KPNA2: variants seen among roughly 807,000 people sequenced by gnomAD.
The protein encoded by KPNA2 is karyopherin subunit alpha 2, also known as importin subunit alpha-1.
Under a neutral mutation model 53.7 loss-of-function variants are expected in KPNA2, and 20 were observed. The ratio of observed to expected loss-of-function variants is 0.37; its 90% CI spans 0.26 to 0.54. The LOEUF is 0.54. Ranked by LOEUF, KPNA2 falls within the 20% of genes least tolerant of loss-of-function variation. The pLI is 0.83. For synonymous variants in KPNA2, 238 were observed against 227.5 expected, an observed-to-expected ratio of 1.05 and a Z score of -0.42; for missense variants, 515 against 640.3, an observed-to-expected ratio of 0.80 and a Z score of 2.11.
At chr17:68,043,040 C>A (rs782138492) in intron 6 of KPNA2, 41 bp downstream of exon 6, 2 of 1,611,768 alleles carry the variant, frequency 1.2e-6, no homozygotes, top group South Asian at 2.2e-5. Context: ...CTTCTTCATT[C>A]TAATTTCCCC....
At chr17:68,041,239 CAGA>C (rs1210093512) in intron 4 of KPNA2, among the ~76,000 whole-genome samples, 1 of 152,124 alleles carries the variant, frequency 6.6e-6, no homozygotes, top group East Asian at 1.9e-4. Flanking sequence ...TGACAGTGTG[CAGA>C]AGAAAAATTT....
chr17:68,044,251 T>C (rs2071301815), intron 8 of KPNA2, 70 bp from the exon 9 acceptor site: 1 of 1,467,028 alleles, frequency 6.8e-7, no homozygotes, highest in East Asian at 2.3e-5. Context: ...ATTGTTTTTG[T>C]GAAAAAGTAC....
chr17:68,038,040 G>A (rs1270351712), intron 3 of KPNA2, among the ~76,000 whole-genome samples: 5 of 151,964 alleles, frequency 3.3e-5, no homozygotes, highest in Admixed American at 6.6e-5. Context: ...GCAGTGGTGC[G>A]ATCTCCGCTC....
chr17:68,042,238 A>G lies in KPNA2; in HGVS notation c.456A>G (p.Ser152=). The G allele has an allele frequency of 6.2e-7, 1 of 1,614,190 alleles. No homozygotes were observed. The highest frequency in any genetic ancestry group is 8.5e-7 in the Non-Finnish European group (1 of 1,180,024). Residue 152 remains serine (S), a synonymous_variant, in exon 5 of 11, where the codon TCA becomes TCG. Transcript: ENST00000330459. ...TCACTAACATTGCTTCTGGGACATC[A>G]GAACAAACCAAGGCTGTGGTAGATG... ...WALTNIASGT[S]EQTKAVVDGG...
Position 68,040,710 on chromosome 17 carries a change from C to A in KPNA2, c.246C>A (p.Val82=). 2 of 1,612,778 alleles carry A rather than the reference C, an allele frequency of 1.2e-6. No homozygotes were observed. The highest frequency in any genetic ancestry group is 2.2e-5 in the South Asian group (2 of 90,998). Residue 82 remains valine (V), a synonymous_variant, in exon 4 of 11, where the codon GTC becomes GTA. Transcript: ENST00000330459. ...TAAATTGGTCTGTTGATGACATTGT[C>A]AAAGGCATAAATAGCAGCAATGTGG... ...GTVNWSVDDI[V]KGINSSNVEN...
chr17:68,037,867 C>T (rs1006563667), intron 3 of KPNA2, among the ~76,000 whole-genome samples: 2 of 151,618 alleles, frequency 1.3e-5, no homozygotes, highest in South Asian at 2.1e-4. Context: ...GCAGCACAAT[C>T]GGCTCACTGC....
Position 68,043,822 on chromosome 17 carries a change from AT to A in KPNA2, c.931-4del, listed in dbSNP as rs144471912. 0.13 allele frequency: 124,993 copies of A among 989,302 alleles called. 915 individuals are homozygous for A. Among genetic ancestry groups the A allele is most frequent in the South Asian group, 0.22 (12,252 of 55,780 alleles). The allele number at this position is 989,302 out of a possible 1,614,324, so 61.3% of individuals were successfully genotyped here. A position where few individuals can be genotyped will look rare whatever the true frequency, so the allele number is the denominator to read the frequency against. The stretch of plus-strand genomic sequence containing the variant: ...GGGAAAAAATAACCAGCATCAACAT[AT>A]TTTTTTTTTTTCAGACTCCTGCCCT... On this transcript the variant is annotated splice_polypyrimidine_tract_variant and intron_variant, in intron 7 of 10. Coordinates refer to ENST00000330459, the MANE Select transcript of KPNA2 (RefSeq NM_002266.4).
At chr17:68,042,863 CAAA>C (rs76104168) in intron 5 of KPNA2, 39 bp from the exon 6 acceptor site, 12,725 of 1,096,900 alleles carry the variant, frequency 0.012, no homozygotes, top group Non-Finnish European at 0.013. Flanking sequence ...AACTCCGTCT[CAAA>C]AAAAAAAAAA....
At chr17:68,040,207 A>G (rs1180574689) in intron 3 of KPNA2, among the ~76,000 whole-genome samples, 2 of 151,166 alleles carry the variant, frequency 1.3e-5, no homozygotes, top group East Asian at 1.9e-4. Context: ...CTGATTCTTG[A>G]TTTTTGAGAC....
At position 68,044,427 on chromosome 17, in the gene KPNA2, C is replaced by T. The variant is rs781980158; in HGVS notation, c.1271C>T (p.Pro424Leu). The part of the protein sequence containing the change: ...VYLVHCGIIE[P>L]LMNLLTAKDT... ...CTTGTTCACTGTGGCATAATAGAAC[C>T]GTTGATGAACCTCTTAACTGCAAAA... Residue 424 changes from proline to leucine, a missense_variant, in exon 9 of 11, where the codon CCG becomes CTG. Pro to Leu is a moderately conservative substitution (Grantham distance 98, BLOSUM62 -3). Transcript: ENST00000330459. 6.2e-6 allele frequency: 10 copies of T among 1,613,916 alleles called. No homozygotes were observed. Among genetic ancestry groups the T allele is most frequent in the Non-Finnish European group, 1.7e-6 (2 of 1,179,828 alleles).
intron 7 of KPNA2, 28 bp downstream of exon 7, chr17:68,043,391 A>G (rs782062860): frequency 1.9e-6 from 3 of 1,609,116 alleles, no homozygotes; most frequent in South Asian, 1.1e-5. Context: ...AGATTAGGAC[A>G]TAAGTATAAG....
chr17:68,043,461 T>G (rs1261747259), intron 7 of KPNA2, 98 bp downstream of exon 7: 6 of 1,227,468 alleles, frequency 4.9e-6, no homozygotes, highest in African/African-American at 3.0e-5. Context: ...CCCAGCACTT[T>G]GGGAGACCAA....
At chr17:68,045,088 C>CT (rs1715215727) in intron 9 of KPNA2, among the ~76,000 whole-genome samples, 1 of 113,616 alleles carries the variant, frequency 8.8e-6, no homozygotes, top group South Asian at 3.1e-4. Context: ...GTGAAACTGT[C>CT]TTAAAAAAAA....
At chr17:68,044,157 T>C (rs1408154734) in intron 8 of KPNA2, 86 bp downstream of exon 8, 2 of 1,338,830 alleles carry the variant, frequency 1.5e-6, no homozygotes, top group Non-Finnish European at 2.1e-6. Flanking sequence ...GCAAGAATCT[T>C]GGGTTCTACT....
chr17:68,043,170 T>C lies in KPNA2; in HGVS notation c.737T>C (p.Ile246Thr). The change falls in exon 7 of 11, where the codon ATA (isoleucine) becomes ACA (threonine). Residue 246 changes from isoleucine to threonine, a missense_variant. Coordinates refer to ENST00000330459, the MANE Select transcript of KPNA2 (RefSeq NM_002266.4). ...LCRNKNPAPP[I>T]DAVEQILPTL... ...CGCAACAAGAATCCTGCACCCCCGA[T>C]AGATGCTGTTGAGCAGATTCTTCCT... 1 of 1,614,148 alleles carries C rather than the reference T, an allele frequency of 6.2e-7. No individual in the cohort carries two copies. The highest frequency in any genetic ancestry group is 8.5e-7 in the Non-Finnish European group (1 of 1,180,016).
chr17:68,035,777 G>T lies in KPNA2; in HGVS notation c.-87G>T, dbSNP rs952712304. The T allele has an allele frequency of 4.6e-5, 7 of 152,528 alleles. No individual in the cohort carries two copies. The highest frequency in any genetic ancestry group is 1.7e-4 in the African/African-American group (7 of 41,530). The allele number at this position is 152,528 out of a possible 1,614,324, so 9.4% of individuals were successfully genotyped here. On this transcript the variant is annotated 5_prime_UTR_variant, in exon 1 of 11. Coordinates refer to ENST00000330459, the MANE Select transcript of KPNA2 (RefSeq NM_002266.4). The stretch of plus-strand genomic sequence containing the variant: ...AGTCGAGGTGGACCCTTTGAACGCA[G>T]TCGCCCTACAGCCGCTGATTCCCCC...
Sources: gnomAD v4.1 joint callset for allele counts (sites outside exome capture counted in the v4.1 genomes callset) on GRCh38, gnomAD v4.1.1 for gene constraint, MANE v1.5 for transcripts, NCBI Gene and HGNC (gene_info 2026-07-23, HGNC 2026-07-21) for gene names.